The following OSBPL1A variants were observed in gnomAD, a reference collection of about 807,000 sequenced individuals.
OSBPL1A encodes oxysterol-binding protein-related protein 1.
Under a neutral mutation model 137.1 loss-of-function variants are expected in OSBPL1A, and 80 were observed. The ratio of observed to expected loss-of-function variants is 0.58; its 90% confidence interval spans 0.49 to 0.70. The LOEUF is 0.70. Among genes scored for constraint, OSBPL1A ranks in the 30% least tolerant of loss-of-function variants. OSBPL1A has a pLI of 0.00. For missense variants in OSBPL1A, 970 were observed against 1,129.4 expected (o/e 0.86, Z 2.02); for synonymous variants, 365 against 389.7 (o/e 0.94, Z 0.75).
At chr18:24,220,515 C>T (rs986024960) in intron 17 of OSBPL1A, among the ~76,000 whole-genome samples, 2 of 152,158 alleles carry the variant, frequency 1.3e-5, no homozygotes, top group Non-Finnish European at 2.9e-5. Context: ...AACCACTGTT[C>T]CCTCCAGCCC....
chr18:24,212,202 G>A (rs1465520442), intron 17 of OSBPL1A, among the ~76,000 whole-genome samples: 4 of 151,580 alleles, frequency 2.6e-5, no homozygotes, highest in Admixed American at 2.6e-4. Flanking sequence ...TGAGTAGCTA[G>A]GACTAAAGGC....
intron 1 of OSBPL1A, among the ~76,000 whole-genome samples, chr18:24,382,324 G>A (rs1208788848): frequency 1.3e-5 from 2 of 149,230 alleles, no homozygotes; most frequent in Non-Finnish European, 3.0e-5. Flanking sequence ...GGAGAAGGGC[G>A]TGAACCCAGG....
intron 4 of OSBPL1A, chr18:24,358,179 G>A (rs543013943): frequency 2.2e-6 from 1 of 454,132 alleles, no homozygotes; most frequent in African/African-American, 2.0e-5. Context: ...AAATGGACAA[G>A]GGCAGCAACT....
chr18:24,189,370 G>A (rs2086829144), intron 18 of OSBPL1A, among the ~76,000 whole-genome samples: 1 of 152,216 alleles, frequency 6.6e-6, no homozygotes, highest in Admixed American at 6.5e-5. Context: ...AGGTGTGTCT[G>A]CTCTGTTGCC....
At chr18:24,290,493 C>A (rs958054259) in intron 14 of OSBPL1A, among the ~76,000 whole-genome samples, 1 of 152,030 alleles carries the variant, frequency 6.6e-6, no homozygotes, top group East Asian at 1.9e-4. Context: ...CCAGCCTGGG[C>A]GACACGATAA....
intron 7 of OSBPL1A, among the ~76,000 whole-genome samples, chr18:24,323,700 TC>T (rs2090915040): frequency 7.5e-5 from 1 of 13,308 alleles, no homozygotes. Context: ...CCCTCCCCCC[TC>T]CCCCGACCCC....
intron 14 of OSBPL1A, among the ~76,000 whole-genome samples, chr18:24,284,121 T>A (rs899335574): frequency 6.6e-6 from 1 of 152,120 alleles, no homozygotes; most frequent in Admixed American, 6.5e-5. Flanking sequence ...AGTTTAAGAA[T>A]TGCCGAACCT....
Position 24,178,417 on chromosome 18 carries a change from G to A in OSBPL1A, c.1911-222C>T, listed in dbSNP as rs182757029. 1.6e-3 allele frequency among the ~76,000 whole-genome samples: 236 copies of A among 151,876 alleles called. 2 individuals carry two copies. The highest frequency in any genetic ancestry group is 5.6e-3 in the African/African-American group (232 of 41,396). ...AGCACTTCTCCTCCCTCAGCCTCTCGACTAATTGGGATTACAGGCATGCAC... is the reference window on the plus strand; with the variant it reads ...AGCACTTCTCCTCCCTCAGCCTCTCAACTAATTGGGATTACAGGCATGCAC... On this transcript the variant is annotated intron_variant, in intron 20 of 27. Coordinates refer to ENST00000319481, the MANE Select transcript of OSBPL1A (RefSeq NM_080597.4).
At chr18:24,170,710 A>C in intron 23 of OSBPL1A, 1 of 404,924 alleles carries the variant, frequency 2.5e-6, no homozygotes, top group Non-Finnish European at 4.5e-6. Context: ...ACAGAGGTAT[A>C]ATCATGGCTC....
chr18:24,167,022 TA>T (rs1356802364), intron 25 of OSBPL1A, among the ~76,000 whole-genome samples: 2 of 152,220 alleles, frequency 1.3e-5, no homozygotes, highest in African/African-American at 4.8e-5. Context: ...GGAGGGCTGG[TA>T]CTGACTAGGC....
intron 16 of OSBPL1A, among the ~76,000 whole-genome samples, chr18:24,229,247 G>T (rs1425962806): frequency 6.6e-6 from 1 of 152,000 alleles, no homozygotes; most frequent in African/African-American, 2.4e-5. Context: ...ATGAAGCTAG[G>T]GATGAGGTAG....
At chr18:24,314,536 T>C (rs2730014) in intron 11 of OSBPL1A, among the ~76,000 whole-genome samples, 189 bp from the exon 12 acceptor site, 87,671 of 152,048 alleles carry the variant, frequency 0.58, 26,551 homozygotes, top group African/African-American at 0.71. Flanking sequence ...AGAACTATGT[T>C]GAGTCTGGCT....
At chr18:24,199,491 T>C (rs965271766) in intron 17 of OSBPL1A, among the ~76,000 whole-genome samples, 2 of 152,060 alleles carry the variant, frequency 1.3e-5, no homozygotes, top group Admixed American at 6.6e-5. Flanking sequence ...GTTGATGACC[T>C]CCTACCCCCA....
chr18:24,338,983 A>T (rs1252421096), intron 5 of OSBPL1A, among the ~76,000 whole-genome samples: 1 of 151,996 alleles, frequency 6.6e-6, no homozygotes, highest in Non-Finnish European at 1.5e-5. Context: ...AAGTGCTGGG[A>T]TTACAGGTGT....
At chr18:24,339,532 G>C (rs1453044346) in intron 5 of OSBPL1A, among the ~76,000 whole-genome samples, 2 of 152,186 alleles carry the variant, frequency 1.3e-5, no homozygotes, top group African/African-American at 4.8e-5. Context: ...TTTGAGTTTG[G>C]AAATGTCTTA....
At position 24,314,309 on chromosome 18, in the gene OSBPL1A, G is replaced by A. The variant is rs1478024122; in HGVS notation, c.909C>T (p.Cys303=). ...GGAAGCCATGAATGGTGTCATCAAA[G>A]CATTTAATAAAGAAGAGGCAGCTAT... The part of the protein sequence containing the change: ...STDSCLFFIK[C]FDDTIHGFRV... The change falls in exon 12 of 28, where the codon TGC becomes TGT. Residue 303 remains cysteine (C), a synonymous_variant. Transcript: ENST00000319481. 13 of 1,611,536 alleles carry A rather than the reference G, an allele frequency of 8.1e-6. No homozygotes were observed. Among genetic ancestry groups the A allele is most frequent in the South Asian group, 1.1e-5 (1 of 90,510 alleles).
chr18:24,268,736 T>C (rs2089643884), intron 15 of OSBPL1A, among the ~76,000 whole-genome samples: 1 of 152,170 alleles, frequency 6.6e-6, no homozygotes, highest in African/African-American at 2.4e-5. Context: ...CACTTGTCTT[T>C]TAAGCATCAG....
At chr18:24,200,298 T>A (rs1242291383) in intron 17 of OSBPL1A, among the ~76,000 whole-genome samples, 1 of 152,196 alleles carries the variant, frequency 6.6e-6, no homozygotes. Flanking sequence ...GCGCCATGGC[T>A]CACGCCTGTA....
intron 4 of OSBPL1A, among the ~76,000 whole-genome samples, chr18:24,365,043 A>AAAT (rs1599719153): frequency 6.6e-6 from 1 of 151,552 alleles, no homozygotes; most frequent in East Asian, 1.9e-4. Flanking sequence ...AAAAAAAAAA[A>AAAT]AAAAATCCAG....
Sources: allele counts gnomAD v4.1 joint callset (sites outside exome capture counted in the v4.1 genomes callset), GRCh38; gene constraint gnomAD v4.1.1; transcripts MANE v1.5; gene names NCBI Gene and HGNC (gene_info 2026-07-23, HGNC 2026-07-21).